Variants in ATRNL1 observed in about 807,000 individuals in gnomAD.
ATRNL1 encodes attractin like 1.
In ATRNL1, 95 loss-of-function variants were observed where a neutral mutation model predicts 182.7. The ratio of observed to expected loss-of-function variants is 0.52; its 90% CI spans 0.44 to 0.62. The LOEUF is 0.62. Ranked by LOEUF, ATRNL1 falls within the 20% of genes least tolerant of loss-of-function variation. ATRNL1 has a pLI of 0.00. For missense variants in ATRNL1, 1,471 were observed against 1,679.5 expected, an observed-to-expected ratio of 0.88 and a Z score of 2.17; for synonymous variants, 576 against 568.3, an observed-to-expected ratio of 1.01 and a Z score of -0.19.
intron 24 of ATRNL1, among the ~76,000 whole-genome samples, chr10:115,483,626 T>C (rs1254077971): frequency 6.6e-6 from 1 of 151,576 alleles, no homozygotes; most frequent in Non-Finnish European, 1.5e-5. Context: ...ATCAATTTTA[T>C]TATACTTAAT....
intron 24 of ATRNL1, among the ~76,000 whole-genome samples, chr10:115,513,213 G>GA (rs1489055100): frequency 1.3e-5 from 2 of 151,834 alleles, no homozygotes; most frequent in East Asian, 3.9e-4. Flanking sequence ...TGTAGACAGA[G>GA]AAAAACTGAG....
intron 26 of ATRNL1, among the ~76,000 whole-genome samples, chr10:115,574,913 T>C (rs1226713256): frequency 1.3e-5 from 2 of 152,220 alleles, no homozygotes; most frequent in Non-Finnish European, 2.9e-5. Context: ...TGGAAATGGC[T>C]ATAACTTGTG....
At chr10:115,331,699 G>A (rs1346779849) in intron 18 of ATRNL1, among the ~76,000 whole-genome samples, 3 of 151,950 alleles carry the variant, frequency 2.0e-5, no homozygotes, top group East Asian at 3.9e-4. Context: ...GTCTGGATTT[G>A]TTTGTGACTG....
intron 27 of ATRNL1, among the ~76,000 whole-genome samples, chr10:115,737,279 C>T (rs78703463): frequency 1.7e-5 from 2 of 119,586 alleles, no homozygotes; most frequent in African/African-American, 2.9e-5. Context: ...TCCCCCCCCC[C>T]CAAAAAAAAA....
chr10:115,507,939 G>A (rs1850196426), intron 24 of ATRNL1, among the ~76,000 whole-genome samples: 1 of 151,890 alleles, frequency 6.6e-6, no homozygotes, highest in Non-Finnish European at 1.5e-5. Flanking sequence ...GAAACTGCTG[G>A]TATAGGCATA....
At chr10:115,584,892 A>G (rs1181121219) in intron 26 of ATRNL1, among the ~76,000 whole-genome samples, 1 of 150,648 alleles carries the variant, frequency 6.6e-6, no homozygotes. Context: ...ATTTAGTGCT[A>G]TAAATTTCCC....
chr10:115,400,214 A>G (rs1844500000), intron 20 of ATRNL1, among the ~76,000 whole-genome samples: 1 of 152,060 alleles, frequency 6.6e-6, no homozygotes, highest in South Asian at 2.1e-4. Flanking sequence ...TTAAAACTGG[A>G]CCTCTTCCTT....
chr10:115,772,358 C>G (rs1459919984), intron 27 of ATRNL1, among the ~76,000 whole-genome samples: 2 of 152,074 alleles, frequency 1.3e-5, no homozygotes, highest in African/African-American at 4.8e-5. Context: ...CTGAAGTGTT[C>G]CCTTACGAAA....
chr10:115,908,181 C>G (rs1952560109), intron 28 of ATRNL1, among the ~76,000 whole-genome samples: 2 of 152,186 alleles, frequency 1.3e-5, no homozygotes, highest in African/African-American at 4.8e-5. Context: ...ATGACTCCTT[C>G]TCTGCATGGA....
At chr10:115,170,980 A>G (rs1564794463) in intron 7 of ATRNL1, 57 bp from the exon 8 acceptor site, 8 of 1,013,296 alleles carry the variant, frequency 7.9e-6, no homozygotes, top group Non-Finnish European at 9.3e-6. Context: ...TTTTTAATTA[A>G]TATGTGTTAA....
intron 19 of ATRNL1, among the ~76,000 whole-genome samples, chr10:115,337,623 G>T (rs187541951): frequency 6.6e-6 from 1 of 151,914 alleles, no homozygotes; most frequent in Non-Finnish European, 1.5e-5. Context: ...TTTAGATTCC[G>T]CAAATAAGTG....
At chr10:115,506,887 C>T (rs1377846297) in intron 24 of ATRNL1, among the ~76,000 whole-genome samples, 1 of 152,036 alleles carries the variant, frequency 6.6e-6, no homozygotes, top group Non-Finnish European at 1.5e-5. Flanking sequence ...AAATCTGAGA[C>T]AGGTCTCAGT....
At chr10:115,220,142 C>G (rs1241665698) in intron 9 of ATRNL1, among the ~76,000 whole-genome samples, 2 of 152,116 alleles carry the variant, frequency 1.3e-5, no homozygotes, top group Admixed American at 1.3e-4. Flanking sequence ...CACATGTCAC[C>G]TTTTGAACTG....
At chr10:115,118,681 G>C (rs1322508504) in intron 1 of ATRNL1, among the ~76,000 whole-genome samples, 8 of 152,076 alleles carry the variant, frequency 5.3e-5, no homozygotes, top group African/African-American at 1.9e-4. Flanking sequence ...CTCCCCTTGA[G>C]GCTACTAAAT....
chr10:115,496,675 GT>G (rs1849565188), intron 24 of ATRNL1, among the ~76,000 whole-genome samples: 1 of 152,162 alleles, frequency 6.6e-6, no homozygotes, highest in Non-Finnish European at 1.5e-5. Flanking sequence ...TGGAAATGAA[GT>G]TTTTGATTTG....
intron 25 of ATRNL1, among the ~76,000 whole-genome samples, chr10:115,539,652 A>G (rs1189965026): frequency 6.6e-6 from 1 of 152,078 alleles, no homozygotes; most frequent in Non-Finnish European, 1.5e-5. Context: ...CCTCCCTCCC[A>G]TTTTTTCTCT....
intron 28 of ATRNL1, among the ~76,000 whole-genome samples, chr10:115,873,174 A>G (rs191052335): frequency 1.4e-4 from 21 of 152,304 alleles, no homozygotes; most frequent in Admixed American, 1.2e-3. Flanking sequence ...TGTGACCTTC[A>G]TATAACTTCT....
In ATRNL1 at chr10:115,127,807, C is replaced by A; in HGVS notation, c.620+86C>A. 5.4e-6 allele frequency: 5 copies of A among 925,254 alleles called. No individual in the cohort carries two copies. The South Asian group carries it at 1.0e-4, about 19-fold the overall frequency. The allele number at this position is 925,254 out of a possible 1,614,324, so 57.3% of individuals were successfully genotyped here. On this transcript the variant is annotated intron_variant, in intron 4 of 28. Transcript: ENST00000355044. ...TTTTTTTGTTTATTTTTATTAATGT[C>A]TTGTATACCAGAAGCAGGCTACCGT...
intron 19 of ATRNL1, among the ~76,000 whole-genome samples, chr10:115,360,965 A>T (rs1856718430): frequency 6.6e-6 from 1 of 151,912 alleles, no homozygotes; most frequent in Non-Finnish European, 1.5e-5. Context: ...TTACCAACGT[A>T]TCAGGAGCCA....
Sources: gnomAD v4.1 joint callset for allele counts (sites outside exome capture counted in the v4.1 genomes callset) on GRCh38, gnomAD v4.1.1 for gene constraint, MANE v1.5 for transcripts, NCBI Gene and HGNC (gene_info 2026-07-23, HGNC 2026-07-21) for gene names.